The following TP53AIP1 variants were observed in gnomAD, a reference collection of about 807,000 sequenced individuals.
TP53AIP1 encodes the protein p53-regulated apoptosis-inducing protein 1.
Under a neutral mutation model 9.5 loss-of-function variants are expected in TP53AIP1, and 14 were observed. That is an observed-to-expected ratio of 1.47 (90% confidence interval 0.97 to 2.30). TP53AIP1 has a LOEUF of 2.30. Ranked by LOEUF, TP53AIP1 falls within the 30% of genes most tolerant of loss-of-function variation. TP53AIP1 has a pLI of 0.00. For missense variants in TP53AIP1, 153 were observed against 146.7 expected, an observed-to-expected ratio of 1.04 and a Z score of -0.22; for synonymous variants, 73 against 61.2, an observed-to-expected ratio of 1.19 and a Z score of -0.90.
intron 1 of TP53AIP1, among the ~76,000 whole-genome samples, chr11:128,938,485 TG>T (rs1471114784): frequency 6.6e-6 from 1 of 152,178 alleles, no homozygotes; most frequent in Non-Finnish European, 1.5e-5. Flanking sequence ...TCTGCCCTCC[TG>T]GGTATCACGG....
intron 3 of TP53AIP1, chr11:128,935,993 G>T: frequency 1.1e-6 from 1 of 923,568 alleles, no homozygotes. Flanking sequence ...ACGTACAGGT[G>T]CTGTTCTTAG....
intron 3 of TP53AIP1, 136 bp from the exon 4 acceptor site, chr11:128,935,848 G>A: frequency 7.4e-7 from 1 of 1,357,898 alleles, no homozygotes; most frequent in Non-Finnish European, 9.4e-7. Flanking sequence ...TCCATTGTAA[G>A]GCACATCATT....
At chr11:128,941,084 G>A (rs1237060643) in intron 1 of TP53AIP1, among the ~76,000 whole-genome samples, 1 of 152,234 alleles carries the variant, frequency 6.6e-6, no homozygotes, top group Admixed American at 6.5e-5. Context: ...GAGCCAGGCT[G>A]GCATTAGCAA....
Position 128,939,797 on chromosome 11 carries a change from G to C in TP53AIP1, c.-76-1903C>G, listed in dbSNP as rs1370875275. 1.3e-5 allele frequency among the ~76,000 whole-genome samples: 2 copies of C among 152,198 alleles called. No individual in the cohort carries two copies. The highest frequency in any genetic ancestry group is 2.9e-5 in the Non-Finnish European group (2 of 68,032). On this transcript the variant is annotated intron_variant, in intron 1 of 3. Coordinates refer to ENST00000531399, the MANE Select transcript of TP53AIP1 (RefSeq NM_022112.3). The surrounding 1 kb of genome is among the most constrained non-coding windows in gnomAD (Gnocchi z 4.1). ...ATTCCCATGTAAAGCTGGCTGCAATGGATGATGTTTCTGACTCATACTCTG... is the reference window on the plus strand; with the variant it reads ...ATTCCCATGTAAAGCTGGCTGCAATCGATGATGTTTCTGACTCATACTCTG...
At chr11:128,936,705 T>A (rs1591464008) in intron 2 of TP53AIP1, 56 bp from the exon 3 acceptor site, 2 of 1,518,906 alleles carry the variant, frequency 1.3e-6, no homozygotes, top group Non-Finnish European at 1.8e-6. Context: ...CTTGGATGGT[T>A]TATTCTTCTC....
At chr11:128,940,994 G>A (rs1944929080) in intron 1 of TP53AIP1, among the ~76,000 whole-genome samples, 1 of 150,348 alleles carries the variant, frequency 6.7e-6, no homozygotes, top group Non-Finnish European at 1.5e-5. Context: ...AAGGACTTGA[G>A]ACTCCTGAAG....
At chr11:128,938,126 T>C (rs1944869737) in intron 1 of TP53AIP1, among the ~76,000 whole-genome samples, 1 of 152,134 alleles carries the variant, frequency 6.6e-6, no homozygotes, top group African/African-American at 2.4e-5. Flanking sequence ...ATGATGGAGT[T>C]AGGAGCGTTG....
chr11:128,937,305 C>A lies in TP53AIP1; in HGVS notation c.141+373G>T. On this transcript the variant is annotated intron_variant, in intron 2 of 3. Coordinates refer to ENST00000531399, the MANE Select transcript of TP53AIP1 (RefSeq NM_022112.3). The surrounding 1 kb of genome is among the most constrained non-coding windows in gnomAD (Gnocchi z 4.8). ...CCGGAGCCCTGCACCCCAGCCTTCC[C>A]TCCCCATGCGCTCCACATGCGTCCT... is the stretch of plus-strand genomic sequence containing the variant. 7.3e-7 allele frequency: 1 copy of A among 1,366,112 alleles called. No individual in the cohort carries two copies. Among genetic ancestry groups the A allele is most frequent in the Non-Finnish European group, 9.4e-7 (1 of 1,063,250 alleles). 84.6% of individuals were successfully genotyped at this position (1,366,112 alleles called of 1,614,324 possible).
chr11:128,935,082 G>A (rs1944784351), downstream of TP53AIP1: 1 of 705,522 alleles, frequency 1.4e-6, no homozygotes, highest in Non-Finnish European at 2.6e-6. Context: ...ATCAATGCCG[G>A]GGCTTGTGGT....
rs1157992229 is a variant in TP53AIP1 at position 128,937,029 on chromosome 11, T to C, written c.142-380A>G. 1.9e-6 allele frequency: 2 copies of C among 1,054,714 alleles called. No homozygotes were observed. Among genetic ancestry groups the C allele is most frequent in the Non-Finnish European group, 2.3e-6 (2 of 874,058 alleles). The allele number at this position is 1,054,714 out of a possible 1,614,324, so 65.3% of individuals were successfully genotyped here. ...AGAGAAGTGTGGGCCTCCAGGGAGG[T>C]GTAGGCGCTCCTGGCTCCTGGCAGA... On this transcript the variant is annotated intron_variant, in intron 2 of 3. Coordinates refer to ENST00000531399, the MANE Select transcript of TP53AIP1 (RefSeq NM_022112.3). The surrounding 1 kb of genome is among the most constrained non-coding windows in gnomAD (Gnocchi z 4.8).
chr11:128,935,526 G>GTTTGTTTGT lies in TP53AIP1; in HGVS notation c.*64_*65insACAAACAAA, dbSNP rs1591462619. ...GACGGTGCTTTCTGTTTGTTTGTTT[G>GTTTGTTTGT]TTTTTGTTTTGAGATGGAGTCTCTC... On this transcript the variant is annotated 3_prime_UTR_variant, in exon 4 of 4. Coordinates refer to ENST00000531399, the MANE Select transcript of TP53AIP1 (RefSeq NM_022112.3). The GTTTGTTTGT allele has an allele frequency of 1.3e-6, 2 of 1,513,548 alleles. No individual in the cohort carries two copies. Among genetic ancestry groups the GTTTGTTTGT allele is most frequent in the Non-Finnish European group, 1.8e-6 (2 of 1,136,502 alleles). The allele number at this position is 1,513,548 out of a possible 1,614,324, so 93.8% of individuals were successfully genotyped here. A position where few individuals can be genotyped will look rare whatever the true frequency, so the allele number is the denominator to read the frequency against.
downstream of TP53AIP1, chr11:128,935,006 A>T (rs1168457848): frequency 1.4e-6 from 1 of 703,024 alleles, no homozygotes; most frequent in Non-Finnish European, 2.6e-6. Context: ...TTTCAGGATG[A>T]GGCAGCTCTG....
At chr11:128,936,155 C>T in intron 3 of TP53AIP1, 1 of 1,036,746 alleles carries the variant, frequency 9.6e-7, no homozygotes, top group Non-Finnish European at 1.2e-6. Context: ...AGGATTTGAA[C>T]CCAGACCCCG....
intron 3 of TP53AIP1, chr11:128,936,285 T>C (rs1944821742): frequency 1.6e-6 from 2 of 1,225,158 alleles, no homozygotes; most frequent in South Asian, 4.9e-5. Flanking sequence ...GTTCAGTGGG[T>C]GTCAATTAGC....
chr11:128,937,832 T>G lies in TP53AIP1; in HGVS notation c.-14A>C. The G allele has an allele frequency of 6.3e-7, 1 of 1,595,628 alleles. No homozygotes were observed. Among genetic ancestry groups the G allele is most frequent in the Non-Finnish European group, 8.5e-7 (1 of 1,171,236 alleles). ...GGAAGATCCCATCCAGGGGAGGCCC[T>G]GTCTGCAGAAAGCAGAGAACTTGGC... On this transcript the variant is annotated 5_prime_UTR_variant, in exon 2 of 4. Coordinates refer to ENST00000531399, the MANE Select transcript of TP53AIP1 (RefSeq NM_022112.3). This position sits in a 1 kb window ranked among gnomAD's most constrained non-coding sequence, Gnocchi z 4.8.
In TP53AIP1 at chr11:128,939,985, G is replaced by A. The variant is rs1944909702; in HGVS notation, c.-76-2091C>T. 6.6e-6 allele frequency among the ~76,000 whole-genome samples: 1 copy of A among 152,126 alleles called. No homozygotes were observed. Among genetic ancestry groups the A allele is most frequent in the South Asian group, 2.1e-4 (1 of 4,820 alleles). ...GGGATATCCAGGGAGCCACTCAGAG[G>A]GGACACTTCCAGCTGCCATGCAAAC... is the stretch of plus-strand genomic sequence containing the variant. On this transcript the variant is annotated intron_variant, in intron 1 of 3. Transcript: ENST00000531399. The surrounding 1 kb of genome is among the most constrained non-coding windows in gnomAD (Gnocchi z 4.1).
chr11:128,940,106 C>T (rs1436241947), intron 1 of TP53AIP1, among the ~76,000 whole-genome samples: 2 of 152,196 alleles, frequency 1.3e-5, no homozygotes, highest in Non-Finnish European at 2.9e-5. Context: ...GGATGCCAAG[C>T]ATGAGAGGGA....
In TP53AIP1 at chr11:128,937,875, T is replaced by G; in HGVS notation, c.-57A>C. 6.5e-7 allele frequency: 1 copy of G among 1,545,990 alleles called. No individual in the cohort carries two copies. The highest frequency in any genetic ancestry group is 8.7e-7 in the Non-Finnish European group (1 of 1,146,774). On this transcript the variant is annotated 5_prime_UTR_variant, in exon 2 of 4. Coordinates refer to ENST00000531399, the MANE Select transcript of TP53AIP1 (RefSeq NM_022112.3). This position sits in a 1 kb window ranked among gnomAD's most constrained non-coding sequence, Gnocchi z 4.8. ...AACTTGGCTTCTCCTCATTTGTTGTTAGGGCCAGTCCCTAAGGGACTAAAA... is the reference window on the plus strand; with the variant it reads ...AACTTGGCTTCTCCTCATTTGTTGTGAGGGCCAGTCCCTAAGGGACTAAAA...
chr11:128,936,707 ATTC>A, intron 2 of TP53AIP1, 58 bp from the exon 3 acceptor site: 4 of 1,516,094 alleles, frequency 2.6e-6, no homozygotes, highest in Non-Finnish European at 2.6e-6. Flanking sequence ...TGGATGGTTT[ATTC>A]TTCTCTGGCA....
Sources: allele counts gnomAD v4.1 joint callset (sites outside exome capture counted in the v4.1 genomes callset), GRCh38; gene constraint gnomAD v4.1.1; non-coding constraint Gnocchi (gnomAD v3.1); transcripts MANE v1.5; gene names NCBI Gene and HGNC (gene_info 2026-07-23, HGNC 2026-07-21).